Variants in ZMAT4 observed in about 807,000 individuals in gnomAD.
ZMAT4 encodes zinc finger matrin-type protein 4.
A neutral mutation model predicts 28.7 loss-of-function variants in ZMAT4; 17 were observed. The ratio of observed to expected loss-of-function variants is 0.59; its 90% CI spans 0.41 to 0.89. The LOEUF (loss-of-function observed/expected upper bound fraction) is 0.89, where lower values mean the gene tolerates loss of function less well. ZMAT4 is among the 40% of genes least tolerant of loss of function. The pLI is 0.00. For synonymous variants in ZMAT4, 117 were observed against 109.2 expected, an observed-to-expected ratio of 1.07 and a Z score of -0.44; for missense variants, 240 against 283.8, an observed-to-expected ratio of 0.85 and a Z score of 1.11.
intron 3 of ZMAT4, among the ~76,000 whole-genome samples, chr8:40,759,771 G>A (rs1045245464): frequency 6.6e-6 from 1 of 152,094 alleles, no homozygotes; most frequent in Non-Finnish European, 1.5e-5. Context: ...CTGGAAAACA[G>A]GAATAGTTTC....
chr8:40,752,174 A>G (rs1192396480), intron 3 of ZMAT4, among the ~76,000 whole-genome samples: 1 of 152,034 alleles, frequency 6.6e-6, no homozygotes, highest in East Asian at 1.9e-4. Flanking sequence ...CTGCTGCCCT[A>G]CTTTGTGACA....
intron 5 of ZMAT4, among the ~76,000 whole-genome samples, chr8:40,659,058 G>A (rs757825249): frequency 3.9e-5 from 6 of 152,096 alleles, no homozygotes; most frequent in Admixed American, 2.0e-4. Flanking sequence ...ACTTCCATTC[G>A]CATGGTAACC....
intron 2 of ZMAT4, among the ~76,000 whole-genome samples, chr8:40,787,344 T>C (rs1477648245): frequency 6.6e-6 from 1 of 152,242 alleles, no homozygotes; most frequent in Non-Finnish European, 1.5e-5. Context: ...GTTCTGTCCA[T>C]GTCATCCATC....
chr8:40,871,297 C>T (rs1367743467), intron 1 of ZMAT4, among the ~76,000 whole-genome samples: 1 of 152,212 alleles, frequency 6.6e-6, no homozygotes, highest in Non-Finnish European at 1.5e-5. Context: ...CCAAAGACTC[C>T]TTTCCACTTT....
chr8:40,589,991 TC>T (rs1804832111), intron 5 of ZMAT4, among the ~76,000 whole-genome samples: 1 of 108,290 alleles, frequency 9.2e-6, no homozygotes, highest in Admixed American at 1.0e-4. Flanking sequence ...CTTCCTTCCT[TC>T]CTTCCTTCCT....
intron 3 of ZMAT4, among the ~76,000 whole-genome samples, chr8:40,755,863 GCA>G (rs1363125811): frequency 6.6e-6 from 1 of 152,038 alleles, no homozygotes; most frequent in African/African-American, 2.4e-5. Flanking sequence ...ACAAAAACAG[GCA>G]GTGGCTGAAT....
intron 4 of ZMAT4, among the ~76,000 whole-genome samples, chr8:40,678,584 T>A (rs913135833): frequency 6.6e-5 from 10 of 152,224 alleles, no homozygotes; most frequent in African/African-American, 2.4e-4. Context: ...TCTAAGCTTA[T>A]AAAGCATTTA....
chr8:40,538,678 T>G (rs531423021), intron 6 of ZMAT4, among the ~76,000 whole-genome samples: 1 of 152,306 alleles, frequency 6.6e-6, no homozygotes, highest in South Asian at 2.1e-4. Flanking sequence ...TTCCAACCCC[T>G]AGCTCCTGCA....
intron 3 of ZMAT4, among the ~76,000 whole-genome samples, chr8:40,751,622 C>A (rs1812454535): frequency 6.6e-6 from 1 of 151,972 alleles, no homozygotes; most frequent in African/African-American, 2.4e-5. Flanking sequence ...GGCAAATAAC[C>A]AAACTATAAC....
chr8:40,599,991 T>C (rs971423395), intron 5 of ZMAT4, among the ~76,000 whole-genome samples: 1 of 152,212 alleles, frequency 6.6e-6, no homozygotes, highest in Non-Finnish European at 1.5e-5. Context: ...GCTAGCACAG[T>C]CTCATGTGTT....
chr8:40,880,408 G>C (rs959566067), intron 1 of ZMAT4, among the ~76,000 whole-genome samples: 1 of 151,004 alleles, frequency 6.6e-6, no homozygotes, highest in Non-Finnish European at 1.5e-5. Context: ...AAAAAATCAC[G>C]CTTTCCAGAA....
At chr8:40,772,852 A>G (rs1813438759) in intron 2 of ZMAT4, among the ~76,000 whole-genome samples, 1 of 152,204 alleles carries the variant, frequency 6.6e-6, no homozygotes, top group Non-Finnish European at 1.5e-5. Flanking sequence ...CATTCCGGGG[A>G]GAAGAGGAGC....
intron 3 of ZMAT4, among the ~76,000 whole-genome samples, chr8:40,703,013 CTA>C (rs142988150): frequency 3.1e-4 from 45 of 146,506 alleles, no homozygotes; most frequent in Admixed American, 3.4e-4. Context: ...AAGAAATTTA[CTA>C]TATATATATA....
At position 40,684,374 on chromosome 8, in the gene ZMAT4, G is replaced by A. The variant is rs16889850; in HGVS notation, c.350-9443C>T. Among the ~76,000 whole-genome samples the A allele has an allele frequency of 6.3e-3, 966 of 152,192 alleles. 7 individuals are homozygous for A. Among genetic ancestry groups the A allele is most frequent in the African/African-American group, 0.021 (865 of 41,522 alleles). ...CATGGAGTTCCAAATGGACAACGTG[G>A]GCTTCCCTGACAGGAACTGGTTGAG... is the stretch of plus-strand genomic sequence containing the variant. On this transcript the variant is annotated intron_variant, in intron 4 of 6. Transcript: ENST00000297737.
intron 2 of ZMAT4, among the ~76,000 whole-genome samples, chr8:40,801,712 T>G (rs572176071): frequency 3.2e-4 from 48 of 152,190 alleles, no homozygotes; most frequent in South Asian, 1.2e-3. Flanking sequence ...CATAAGCTGC[T>G]TTTTAACTCC....
chr8:40,577,543 A>G (rs1804308803), intron 6 of ZMAT4, among the ~76,000 whole-genome samples: 1 of 152,110 alleles, frequency 6.6e-6, no homozygotes, highest in South Asian at 2.1e-4. Flanking sequence ...GGGAGAGGAA[A>G]ATATTGGTTA....
chr8:40,569,097 C>G (rs778341733), intron 6 of ZMAT4, among the ~76,000 whole-genome samples: 10 of 152,112 alleles, frequency 6.6e-5, no homozygotes, highest in Admixed American at 4.6e-4. Context: ...GATGGGGGAG[C>G]TGATTTGTCC....
intron 4 of ZMAT4, among the ~76,000 whole-genome samples, chr8:40,683,798 C>T (rs1208317438): frequency 1.3e-5 from 2 of 152,042 alleles, no homozygotes; most frequent in African/African-American, 2.4e-5. Context: ...GGCACAGTGG[C>T]TCACGCTTGT....
At chr8:40,847,300 G>T (rs112125280) in intron 1 of ZMAT4, among the ~76,000 whole-genome samples, 1 of 151,934 alleles carries the variant, frequency 6.6e-6, no homozygotes, top group African/African-American at 2.4e-5. Flanking sequence ...TAAAAAATGC[G>T]TAGAGTCATA....
Sources: gnomAD v4.1 joint callset for allele counts (sites outside exome capture counted in the v4.1 genomes callset) on GRCh38, gnomAD v4.1.1 for gene constraint, MANE v1.5 for transcripts, NCBI Gene and HGNC (gene_info 2026-07-23, HGNC 2026-07-21) for gene names.